The following ADAM18 variants were observed in gnomAD, a reference collection of about 807,000 sequenced individuals.
ADAM18 encodes the protein ADAM metallopeptidase domain 18.
Under a neutral mutation model 94.4 loss-of-function variants are expected in ADAM18, and 117 were observed. The ratio of observed to expected loss-of-function variants is 1.24; its 90% CI spans 1.07 to 1.45. The LOEUF (loss-of-function observed/expected upper bound fraction) is 1.45. ADAM18 is among the 40% of genes most tolerant of loss of function. The pLI is 0.00. For missense variants in ADAM18, 936 were observed against 880.0 expected (o/e 1.06, Z -0.81); for synonymous variants, 327 against 291.6 (o/e 1.12, Z -1.24).
Position 39,608,834 on chromosome 8 carries a change from C to A in ADAM18, c.189-208C>A, listed in dbSNP as rs529937372. Among the ~76,000 whole-genome samples the A allele has an allele frequency of 1.1e-4, 17 of 152,184 alleles. No homozygotes were observed. The East Asian group carries it at 3.3e-3, about 29-fold the overall frequency. On this transcript the variant is annotated intron_variant, in intron 3 of 19. Coordinates refer to ENST00000265707, the MANE Select transcript of ADAM18 (RefSeq NM_014237.3). ...TACATATGTCTGATGCAGAGGAATCCCAGAGTCTGTCCCAGTGCTAAGTCT... is the reference window on the plus strand; with the variant it reads ...TACATATGTCTGATGCAGAGGAATCACAGAGTCTGTCCCAGTGCTAAGTCT...
Position 39,680,189 on chromosome 8 carries a change from C to A in ADAM18, c.1784C>A (p.Ala595Asp), listed in dbSNP as rs748393577. The A allele has an allele frequency of 6.2e-7, 1 of 1,613,494 alleles. No homozygotes were observed. Among genetic ancestry groups the A allele is most frequent in the Non-Finnish European group, 8.5e-7 (1 of 1,179,764 alleles). ...SSMRSDGTDN[A>D]YVADGTMCGP... Reference sequence around the variant, plus strand: ...ATGAGATCAGATGGAACAGACAATGCCTATGTGGCTGATGGCACCATGTGT... The same window carrying A: ...ATGAGATCAGATGGAACAGACAATGACTATGTGGCTGATGGCACCATGTGT... Residue 595 changes from alanine to aspartate, a missense_variant, in exon 16 of 20, where the codon GCC becomes GAC. Transcript: ENST00000265707.
At chr8:39,619,692 A>C (rs1363268875) in intron 6 of ADAM18, among the ~76,000 whole-genome samples, 1 of 152,150 alleles carries the variant, frequency 6.6e-6, no homozygotes, top group Non-Finnish European at 1.5e-5. Context: ...AGGAGATTGA[A>C]GATCTCCACA....
At position 39,585,353 on chromosome 8, in the gene ADAM18, G is replaced by A; in HGVS notation, c.132+1G>A. On this transcript the variant is annotated splice_donor_variant, in intron 2 of 19. Transcript: ENST00000265707. LOFTEE classifies it high-confidence loss of function. ...TGACAGTGAAGTTTCAGAGAGGAAG[G>A]TAAATGATGAGGAATATTTATTCTA... is the stretch of plus-strand genomic sequence containing the variant. 6.2e-7 allele frequency: 1 copy of A among 1,606,730 alleles called. No homozygotes were observed. Among genetic ancestry groups the A allele is most frequent in the Non-Finnish European group, 8.5e-7 (1 of 1,173,896 alleles).
chr8:39,720,461 A>G (rs904095922), intron 18 of ADAM18, among the ~76,000 whole-genome samples: 1 of 151,404 alleles, frequency 6.6e-6, no homozygotes, highest in Non-Finnish European at 1.5e-5. Flanking sequence ...CATGTCAATC[A>G]TCTCTCAGTA....
intron 7 of ADAM18, among the ~76,000 whole-genome samples, chr8:39,630,773 AT>A (rs1447639407): frequency 6.6e-6 from 1 of 151,926 alleles, no homozygotes; most frequent in African/African-American, 2.4e-5. Flanking sequence ...ATATCATGGG[AT>A]TGGTATGTTA....
At chr8:39,624,113 G>T (rs189144553) in intron 6 of ADAM18, among the ~76,000 whole-genome samples, 1 of 152,050 alleles carries the variant, frequency 6.6e-6, no homozygotes, top group Non-Finnish European at 1.5e-5. Flanking sequence ...TTGTCTGTTT[G>T]TTCTGATGAT....
At chr8:39,695,546 C>T (rs895971910) in intron 17 of ADAM18, among the ~76,000 whole-genome samples, 5 of 151,246 alleles carry the variant, frequency 3.3e-5, no homozygotes, top group African/African-American at 1.2e-4. Context: ...TATGATGAAG[C>T]ATCTTAATCT....
intron 9 of ADAM18, 92 bp downstream of exon 9, chr8:39,637,795 A>G: frequency 2.4e-6 from 3 of 1,254,060 alleles, no homozygotes; most frequent in Non-Finnish European, 1.1e-6. Flanking sequence ...AGTTTTTTGT[A>G]AGCCCCTTTG....
Position 39,663,807 on chromosome 8 carries a change from A to C in ADAM18, c.1243A>C (p.Lys415Gln). ...TGTAAAATTTTAGGAATGTCAATTT[A>C]AGAAGTGCTGTGATTATAACACATG... ...DCGNKNECQF[K>Q]KCCDYNTCKL... The change falls in exon 13 of 20, where the codon AAG becomes CAG. Residue 415 changes from lysine to glutamine, a missense_variant. By Grantham distance (53) the Lys-to-Gln change is moderately conservative. Transcript: ENST00000265707. The C allele has an allele frequency of 6.2e-7, 1 of 1,610,904 alleles. No individual in the cohort carries two copies.
chr8:39,615,360 T>C (rs573715499), intron 6 of ADAM18, among the ~76,000 whole-genome samples: 2 of 152,216 alleles, frequency 1.3e-5, no homozygotes, highest in African/African-American at 4.8e-5. Context: ...GACTTTTGGA[T>C]AAATGATGAA....
chr8:39,720,563 A>G (rs907941497), intron 18 of ADAM18, among the ~76,000 whole-genome samples: 2 of 151,528 alleles, frequency 1.3e-5, no homozygotes, highest in Admixed American at 1.3e-4. Flanking sequence ...CCCATTCTTT[A>G]TCAAATAAAA....
At chr8:39,682,207 G>A (rs768007585) in intron 16 of ADAM18, among the ~76,000 whole-genome samples, 1 of 152,110 alleles carries the variant, frequency 6.6e-6, no homozygotes, top group Admixed American at 6.6e-5. Flanking sequence ...AAAAAATAAG[G>A]CATCTGGAAA....
At chr8:39,727,914 G>T (rs940025053) in intron 19 of ADAM18, among the ~76,000 whole-genome samples, 6 of 152,154 alleles carry the variant, frequency 3.9e-5, no homozygotes, top group African/African-American at 1.4e-4. Flanking sequence ...AATTTATAAA[G>T]AAAAGGGACT....
rs1563263646 is a variant in ADAM18, at chr8:39,586,806, C to CTATCTATCTATCTA, written c.132+1466_132+1467insTATATCTATCTATC. ...TATCTATCTATCTATCTATCTATATCTATCTATCTATCATCTATTCTGTTT... is the reference window on the plus strand; with the variant it reads ...TATCTATCTATCTATCTATCTATATCTATCTATCTATCTATATCTATCTATCATCTATTCTGTTT... On this transcript the variant is annotated intron_variant, in intron 2 of 19. Transcript: ENST00000265707. Among the ~76,000 whole-genome samples the CTATCTATCTATCTA allele has an allele frequency of 4.4e-5, 5 of 114,646 alleles. No homozygotes were observed. In the South Asian group the frequency reaches 8.1e-4, roughly 19 times the overall value. The allele number at this position is 114,646 out of a possible 152,430, so 75.2% of individuals were successfully genotyped here.
chr8:39,717,400 C>T (rs542250139), intron 18 of ADAM18, among the ~76,000 whole-genome samples: 4 of 151,898 alleles, frequency 2.6e-5, no homozygotes, highest in African/African-American at 9.6e-5. Context: ...ATTTTTGTCT[C>T]TATATTTATC....
chr8:39,676,371 G>T (rs1259779399), intron 14 of ADAM18, among the ~76,000 whole-genome samples: 1 of 152,188 alleles, frequency 6.6e-6, no homozygotes, highest in Non-Finnish European at 1.5e-5. Flanking sequence ...CCCTCCCCCA[G>T]CCAGGCTGCC....
chr8:39,689,821 G>A (rs1821719262), intron 16 of ADAM18, among the ~76,000 whole-genome samples: 1 of 152,082 alleles, frequency 6.6e-6, no homozygotes, highest in Admixed American at 6.6e-5. Context: ...GATTCTTCCT[G>A]TCCTTGAGCA....
chr8:39,712,420 A>G (rs763696861), intron 18 of ADAM18, among the ~76,000 whole-genome samples: 99 of 152,178 alleles, frequency 6.5e-4, no homozygotes, highest in Non-Finnish European at 7.8e-4. Flanking sequence ...CCTATTCAAC[A>G]TAGTGTTGGA....
intron 6 of ADAM18, chr8:39,611,137 G>A (rs749820476): frequency 4.4e-5 from 43 of 971,874 alleles, no homozygotes; most frequent in Non-Finnish European, 4.4e-5. Context: ...AATTCTTGCT[G>A]GCAGTTTCTT....
Sources: gnomAD v4.1 joint callset for allele counts (sites outside exome capture counted in the v4.1 genomes callset) on GRCh38, gnomAD v4.1.1 for gene constraint, MANE v1.5 for transcripts, NCBI Gene and HGNC (gene_info 2026-07-23, HGNC 2026-07-21) for gene names.